The following NTNG1 variants were observed in gnomAD, a reference collection of about 807,000 sequenced individuals.
NTNG1 encodes the protein netrin G1, also known as netrin-G1.
Under a neutral mutation model 54.0 loss-of-function variants are expected in NTNG1, and 16 were observed. That is an observed-to-expected ratio of 0.30 (90% confidence interval 0.20 to 0.45). The LOEUF is 0.45. Ranked by LOEUF, NTNG1 falls within the 20% of genes least tolerant of loss-of-function variation. The pLI, the probability that NTNG1 is intolerant of heterozygous loss-of-function variation, is 1.00. For synonymous variants in NTNG1, 255 were observed against 263.1 expected, an observed-to-expected ratio of 0.97 and a Z score of 0.30; for missense variants, 530 against 678.7, an observed-to-expected ratio of 0.78 and a Z score of 2.43.
At chr1:107,278,013 T>TA (rs1222485106) in intron 2 of NTNG1, among the ~76,000 whole-genome samples, 1 of 152,194 alleles carries the variant, frequency 6.6e-6, no homozygotes, top group Non-Finnish European at 1.5e-5. Flanking sequence ...GCAGTGCTAT[T>TA]AAAAACACGT....
chr1:107,306,748 C>T (rs963040714), intron 2 of NTNG1, among the ~76,000 whole-genome samples: 3 of 141,744 alleles, frequency 2.1e-5, no homozygotes, highest in African/African-American at 5.5e-5. Context: ...AAGACTCCAT[C>T]GCAAAAAAAA....
intron 3 of NTNG1, among the ~76,000 whole-genome samples, chr1:107,383,353 TC>T (rs1671762713): frequency 6.6e-6 from 1 of 152,128 alleles, no homozygotes; most frequent in African/African-American, 2.4e-5. Flanking sequence ...TCTCACAGTT[TC>T]CCCTATAAAA....
At chr1:107,343,940 G>A (rs539405576) in intron 3 of NTNG1, among the ~76,000 whole-genome samples, 3 of 152,092 alleles carry the variant, frequency 2.0e-5, no homozygotes, top group Admixed American at 6.6e-5. Context: ...TCAGACAAGC[G>A]ATACCTGAAA....
intron 7 of NTNG1, among the ~76,000 whole-genome samples, chr1:107,445,047 T>G (rs1475037687): frequency 6.6e-6 from 1 of 152,146 alleles, no homozygotes; most frequent in Non-Finnish European, 1.5e-5. Flanking sequence ...CCATCCTACT[T>G]GAAACTTGCA....
At chr1:107,386,449 C>T (rs2101053905) in intron 3 of NTNG1, among the ~76,000 whole-genome samples, 1 of 152,266 alleles carries the variant, frequency 6.6e-6, no homozygotes, top group East Asian at 1.9e-4. Context: ...GCTGGGATTA[C>T]AGGCGTGTGC....
At chr1:107,390,027 G>GT (rs1300432227) in intron 3 of NTNG1, among the ~76,000 whole-genome samples, 2 of 152,180 alleles carry the variant, frequency 1.3e-5, no homozygotes, top group African/African-American at 2.4e-5. Flanking sequence ...AAATGTTTTT[G>GT]TTTTTTTGTT....
intron 2 of NTNG1, among the ~76,000 whole-genome samples, chr1:107,221,433 AGACTACCTCCATCTGCAAGGATTCAG>A (rs1288302297): frequency 6.6e-6 from 1 of 152,204 alleles, no homozygotes; most frequent in Non-Finnish European, 1.5e-5. Context: ...CAAGCAAGGT[AGACTACCTCCATCTGCAAGGATTCAG>A]GGTGGCTCTA....
At chr1:107,393,748 C>A (rs535382889) in intron 3 of NTNG1, among the ~76,000 whole-genome samples, 1 of 151,492 alleles carries the variant, frequency 6.6e-6, no homozygotes, top group African/African-American at 2.4e-5. Flanking sequence ...TTTTCCTTGC[C>A]GTAAGTATGG....
chr1:107,214,234 C>T (rs1659790929), intron 2 of NTNG1, among the ~76,000 whole-genome samples: 1 of 152,042 alleles, frequency 6.6e-6, no homozygotes, highest in South Asian at 2.1e-4. Flanking sequence ...GAGCAGTGAA[C>T]CTGTACCCAA....
At chr1:107,160,738 A>G (rs1425927511) in intron 2 of NTNG1, among the ~76,000 whole-genome samples, 2 of 152,122 alleles carry the variant, frequency 1.3e-5, no homozygotes, top group Non-Finnish European at 2.9e-5. Context: ...CACCTTGCTC[A>G]GTCCTCTCTA....
intron 2 of NTNG1, among the ~76,000 whole-genome samples, chr1:107,318,464 G>A (rs377407986): frequency 1.1e-5 from 1 of 91,978 alleles, no homozygotes; most frequent in Non-Finnish European, 2.5e-5. Flanking sequence ...TTCTCAACAA[G>A]GAAAGAAAAA....
At chr1:107,141,620 C>G (rs114607470) in intron 1 of NTNG1, among the ~76,000 whole-genome samples, 2,569 of 152,178 alleles carry the variant, frequency 0.017, 71 homozygotes, top group African/African-American at 0.057. Context: ...TAAAGCGCCC[C>G]GAGGAGGCAG....
chr1:107,211,138 G>A (rs1659572156), intron 2 of NTNG1, among the ~76,000 whole-genome samples: 2 of 152,062 alleles, frequency 1.3e-5, no homozygotes, highest in African/African-American at 4.8e-5. Context: ...TGCTTCTTAA[G>A]GGTCTTTGGT....
At chr1:107,250,685 C>G (rs1280241331) in intron 2 of NTNG1, among the ~76,000 whole-genome samples, 5 of 151,854 alleles carry the variant, frequency 3.3e-5, no homozygotes, top group African/African-American at 4.8e-5. Context: ...AACTCTCGGT[C>G]CTTCAGAGAT....
At chr1:107,396,124 A>G (rs926928837) in intron 4 of NTNG1, among the ~76,000 whole-genome samples, 2 of 152,172 alleles carry the variant, frequency 1.3e-5, no homozygotes, top group Admixed American at 6.6e-5. Context: ...CAACAGCCCA[A>G]GGTTTGCACT....
At chr1:107,278,107 T>G (rs1664600373) in intron 2 of NTNG1, among the ~76,000 whole-genome samples, 1 of 152,204 alleles carries the variant, frequency 6.6e-6, no homozygotes. Flanking sequence ...GGATATTTTC[T>G]CATGGGCTTC....
intron 2 of NTNG1, among the ~76,000 whole-genome samples, chr1:107,315,347 T>A (rs1231092274): frequency 6.6e-6 from 1 of 152,084 alleles, no homozygotes; most frequent in Non-Finnish European, 1.5e-5. Context: ...GCCTACCCCC[T>A]TAGGATCCAC....
chr1:107,410,771 C>A (rs935683449), intron 5 of NTNG1, among the ~76,000 whole-genome samples: 1 of 152,140 alleles, frequency 6.6e-6, no homozygotes, highest in African/African-American at 2.4e-5. Context: ...AAGTGATAAA[C>A]TGATCATTAC....
intron 3 of NTNG1, among the ~76,000 whole-genome samples, chr1:107,376,677 A>T (rs1048574597): frequency 6.6e-6 from 1 of 152,026 alleles, no homozygotes; most frequent in African/African-American, 2.4e-5. Context: ...AGTTTCTTAC[A>T]TGCTTTTCTC....
Sources: allele counts gnomAD v4.1 joint callset (sites outside exome capture counted in the v4.1 genomes callset), GRCh38; gene constraint gnomAD v4.1.1; transcripts MANE v1.5; gene names NCBI Gene and HGNC (gene_info 2026-07-23, HGNC 2026-07-21).